The following MDM1 variants were observed in gnomAD, a reference collection of about 807,000 sequenced individuals.
MDM1 encodes Mdm1 nuclear protein.
Under a neutral mutation model 89.1 loss-of-function variants are expected in MDM1, and 61 were observed. The ratio of observed to expected loss-of-function variants is 0.68; its 90% confidence interval spans 0.56 to 0.85. The LOEUF (loss-of-function observed/expected upper bound fraction) is 0.85, where lower values mean the gene tolerates loss of function less well. Among genes scored for constraint, MDM1 ranks in the 40% least tolerant of loss-of-function variants. The probability of loss-of-function intolerance (pLI) is 0.00; values close to 1 mark genes in which losing one functional copy is unlikely to be tolerated. For synonymous variants in MDM1, 290 were observed against 294.1 expected (o/e 0.99, Z 0.14); for missense variants, 820 against 846.5 (o/e 0.97, Z 0.39).
In MDM1 at chr12:68,311,791, T is replaced by C. The variant is rs138251060; in HGVS notation, c.1749+1652A>G. Reference sequence around the variant, plus strand: ...TTGGAAAAGAAACTTCAGAGAATTATCTGTGGCAGCTTTCTCCAATTCTTC... The same window carrying C: ...TTGGAAAAGAAACTTCAGAGAATTACCTGTGGCAGCTTTCTCCAATTCTTC... On this transcript the variant is annotated intron_variant, in intron 12 of 14. Transcript: ENST00000682720. Among the ~76,000 whole-genome samples the C allele has an allele frequency of 2.0e-5, 3 of 152,352 alleles. No homozygotes were observed. The East Asian group carries it at 5.8e-4, about 29-fold the overall frequency.
At chr12:68,311,450 GC>G (rs1487541225) in intron 12 of MDM1, among the ~76,000 whole-genome samples, 1 of 152,144 alleles carries the variant, frequency 6.6e-6, no homozygotes, top group Non-Finnish European at 1.5e-5. Context: ...TCACCAAGAA[GC>G]AATAAGAAGA....
At position 68,302,665 on chromosome 12, in the gene MDM1, G is replaced by T. The variant is rs147627177; in HGVS notation, c.1957C>A (p.Arg653=). ...TCTCTAAGAGAGCCCTGAATTCGTCGAGAGGGATGCCAGTAGGATGGAACA... is the reference window on the plus strand; with the variant it reads ...TCTCTAAGAGAGCCCTGAATTCGTCTAGAGGGATGCCAGTAGGATGGAACA... ...PHVPSYWHPS[R]RIQGSLRDPE... Residue 653 remains arginine, a synonymous_variant, in exon 13 of 15, where the codon CGA becomes AGA. Coordinates refer to ENST00000682720, the MANE Select transcript of MDM1 (RefSeq NM_001354969.2). 5.8e-5 allele frequency: 93 copies of T among 1,613,648 alleles called. No individual in the cohort carries two copies. Among genetic ancestry groups the T allele is most frequent in the Non-Finnish European group, 7.2e-5 (85 of 1,179,816 alleles).
chr12:68,331,030 T>C, intron 2 of MDM1, 77 bp downstream of exon 2: 5 of 804,348 alleles, frequency 6.2e-6, no homozygotes, highest in Non-Finnish European at 1.1e-5. Flanking sequence ...AAGGTTTACT[T>C]AGCCCAAGTT....
chr12:68,319,817 A>G (rs775052621), intron 7 of MDM1, among the ~76,000 whole-genome samples: 7 of 152,236 alleles, frequency 4.6e-5, no homozygotes, highest in Non-Finnish European at 1.0e-4. Context: ...CATAATAGGA[A>G]ACCTTGAAAA....
At chr12:68,325,279 A>G (rs932029771) in intron 4 of MDM1, 162 bp downstream of exon 4, 8 of 1,300,924 alleles carry the variant, frequency 6.1e-6, no homozygotes, top group South Asian at 2.7e-5. Flanking sequence ...ACCATAAATC[A>G]TAAGTAATAG....
chr12:68,326,766 C>G lies in MDM1; in HGVS notation c.389G>C (p.Gly130Ala). 1 of 1,614,072 alleles carries G rather than the reference C, an allele frequency of 6.2e-7. No individual in the cohort carries two copies. The highest frequency in any genetic ancestry group is 8.5e-7 in the Non-Finnish European group (1 of 1,179,996). ...RSHSADSRAEGASDVENNEGV... is the reference protein window; with the variant it reads ...RSHSADSRAEAASDVENNEGV... The stretch of plus-strand genomic sequence containing the variant: ...CTCATTATTTTCCACATCTGAAGCC[C>G]CTTCAGCTCTGGAGTCTGCAGAGTG... Residue 130 changes from glycine to alanine, a missense_variant, in exon 3 of 15, where the codon GGG (glycine) becomes GCG (alanine). Transcript: ENST00000682720.
intron 13 of MDM1, 102 bp downstream of exon 13, chr12:68,302,518 C>T (rs1439438119): frequency 5.5e-6 from 6 of 1,081,658 alleles, no homozygotes; most frequent in Admixed American, 3.0e-5. Context: ...ACCAAAAATA[C>T]TAAATAACTG....
At chr12:68,304,235 C>T (rs531712507) in intron 12 of MDM1, among the ~76,000 whole-genome samples, 63 of 151,822 alleles carry the variant, frequency 4.1e-4, no homozygotes, top group Non-Finnish European at 8.1e-4. Context: ...ACGGCGAGAC[C>T]CCATATCTAT....
rs183054782 is a variant in MDM1 at position 68,314,612 on chromosome 12, T to C, written c.1529+336A>G. Among the ~76,000 whole-genome samples the C allele has an allele frequency of 4.6e-5, 7 of 152,364 alleles. No homozygotes were observed. The East Asian group carries it at 1.2e-3, about 25-fold the overall frequency. The stretch of plus-strand genomic sequence containing the variant: ...TCTTTTTTGGTAGAATCATCTGATA[T>C]TAAAGAACACCAGTTTTTTTCTTTA... On this transcript the variant is annotated intron_variant, in intron 10 of 14. Coordinates refer to ENST00000682720, the MANE Select transcript of MDM1 (RefSeq NM_001354969.2).
chr12:68,311,976 CCTT>C (rs749289606), intron 12 of MDM1, among the ~76,000 whole-genome samples: 10 of 152,318 alleles, frequency 6.6e-5, no homozygotes, highest in Middle Eastern at 3.4e-3. Flanking sequence ...TCTCCCTCCT[CCTT>C]GACACCTCCA....
chr12:68,331,051 G>T (rs1593000622), intron 2 of MDM1, 56 bp downstream of exon 2: 1 of 1,000,020 alleles, frequency 1.0e-6, no homozygotes, highest in Non-Finnish European at 1.6e-6. Context: ...ATAACGGCTT[G>T]GCCCAAGTTA....
chr12:68,328,978 G>C (rs968042231), intron 2 of MDM1, among the ~76,000 whole-genome samples: 1 of 152,046 alleles, frequency 6.6e-6, no homozygotes, highest in African/African-American at 2.4e-5. Context: ...TTGCTCTCAT[G>C]GTCTCATTTC....
chr12:68,328,304 G>A (rs990014711), intron 2 of MDM1, among the ~76,000 whole-genome samples: 4 of 152,094 alleles, frequency 2.6e-5, no homozygotes, highest in Non-Finnish European at 5.9e-5. Context: ...GATATGAGAG[G>A]GATGTCATGT....
intron 4 of MDM1, 108 bp downstream of exon 4, chr12:68,325,333 C>A: frequency 7.3e-7 from 1 of 1,373,342 alleles, no homozygotes; most frequent in Non-Finnish European, 9.5e-7. Context: ...TAGAACCTAC[C>A]TCCAGGCTAC....
At chr12:68,325,290 G>T (rs1875802864) in intron 4 of MDM1, 151 bp downstream of exon 4, 2 of 1,333,502 alleles carry the variant, frequency 1.5e-6, no homozygotes, top group South Asian at 4.9e-5. Flanking sequence ...TAAGTAATAG[G>T]ATGATTTTAG....
intron 12 of MDM1, 77 bp from the exon 13 acceptor site, chr12:68,302,949 C>CA (rs1375080591): frequency 1.5e-6 from 2 of 1,303,632 alleles, no homozygotes; most frequent in Non-Finnish European, 2.0e-6. Context: ...CATTTAAATG[C>CA]AAAAAACATA....
Position 68,326,980 on chromosome 12 carries a change from G to A in MDM1, c.175C>T (p.Pro59Ser). ...TTTGAAATCTGTGGGTCATGGTAAGGGACTCTTCTTTTTGAAATAAAACTT... is the reference window on the plus strand; with the variant it reads ...TTTGAAATCTGTGGGTCATGGTAAGAGACTCTTCTTTTTGAAATAAAACTT... ...EPSFISKRRV[P>S]YHDPQISKSL... The change falls in exon 3 of 15, where the codon CCT (proline) becomes TCT (serine). Residue 59 changes from proline (P) to serine (S), a missense_variant. Transcript: ENST00000682720. 1 of 1,605,776 alleles carries A rather than the reference G, an allele frequency of 6.2e-7. No individual in the cohort carries two copies. Among genetic ancestry groups the A allele is most frequent in the African/African-American group, 1.3e-5 (1 of 74,306 alleles).
chr12:68,324,979 A>G (rs540015951), intron 4 of MDM1: 155 of 973,396 alleles, frequency 1.6e-4, no homozygotes, highest in Admixed American at 5.5e-4. Flanking sequence ...TTTGTCTGAT[A>G]CAAGGACAAA....
chr12:68,331,853 A>G, intron 1 of MDM1: 1 of 474,212 alleles, frequency 2.1e-6, no homozygotes, highest in Non-Finnish European at 4.0e-6. Context: ...AGCCACATAC[A>G]CTAAAGTTTT....
Sources: gnomAD v4.1 joint callset for allele counts (sites outside exome capture counted in the v4.1 genomes callset) on GRCh38, gnomAD v4.1.1 for gene constraint, MANE v1.5 for transcripts, NCBI Gene and HGNC (gene_info 2026-07-23, HGNC 2026-07-21) for gene names.